The following ATG16L2 variants were observed in gnomAD, a reference collection of about 807,000 sequenced individuals.
ATG16L2 encodes the protein autophagy related 16 like 2, also known as protein Atg16l2.
Under a neutral mutation model 84.7 loss-of-function variants are expected in ATG16L2, and 77 were observed. The ratio of observed to expected loss-of-function variants is 0.91; its 90% CI spans 0.76 to 1.10. The LOEUF (loss-of-function observed/expected upper bound fraction) is 1.10. Among genes scored for constraint, ATG16L2 ranks in the 50% least tolerant of loss-of-function variants. The pLI is 0.00. For missense variants in ATG16L2, 782 were observed against 817.6 expected, an observed-to-expected ratio of 0.96 and a Z score of 0.53; for synonymous variants, 361 against 342.8, an observed-to-expected ratio of 1.05 and a Z score of -0.59.
chr11:72,815,042 T>C (rs10751215), intron 1 of ATG16L2, among the ~76,000 whole-genome samples: 76,875 of 152,138 alleles, frequency 0.51, 19,632 homozygotes, highest in East Asian at 0.63. Context: ...GCTCTGCCGC[T>C]GACAGGCGAC....
At chr11:72,816,015 G>C (rs960758687) in intron 1 of ATG16L2, 1 of 152,384 alleles carries the variant, frequency 6.6e-6, no homozygotes, top group Non-Finnish European at 1.5e-5. Flanking sequence ...TCTTTGCTCT[G>C]TTGCCCAGGC....
At chr11:72,839,627 A>C (rs901369854) in intron 5 of ATG16L2, among the ~76,000 whole-genome samples, 2 of 152,208 alleles carry the variant, frequency 1.3e-5, no homozygotes, top group African/African-American at 4.8e-5. Context: ...GAATGATGCC[A>C]GAACACCAGT....
Position 72,826,649 on chromosome 11 carries a change from C to A in ATG16L2, c.1246-54C>A. The A allele has an allele frequency of 3.1e-6, 5 of 1,614,016 alleles. No individual in the cohort carries two copies. The South Asian group carries it at 4.4e-5, about 14-fold the overall frequency. ...GAGGTCATACCTCAGGACTAGGGGG[C>A]CTGTTATGGGGTCTTGGCCAAACTC... On this transcript the variant is annotated intron_variant, in intron 12 of 17. Coordinates refer to ENST00000321297, the MANE Select transcript of ATG16L2 (RefSeq NM_033388.2).
downstream of ATG16L2, among the ~76,000 whole-genome samples, chr11:72,834,184 T>TTAGTTATA (rs1316702033): frequency 1.3e-5 from 2 of 152,170 alleles, no homozygotes; most frequent in Admixed American, 1.3e-4. Context: ...TTTCTGTAAT[T>TTAGTTATA]TAGTTATATT....
At chr11:72,827,050 C>A in intron 13 of ATG16L2, 138 bp from the exon 14 acceptor site, 1 of 845,366 alleles carries the variant, frequency 1.2e-6, no homozygotes, top group Non-Finnish European at 1.8e-6. Context: ...TGGGTGAGCC[C>A]TGTGCTGGGA....
intron 17 of ATG16L2, 84 bp from the exon 18 acceptor site, chr11:72,829,219 A>C: frequency 1.4e-6 from 2 of 1,464,542 alleles, no homozygotes; most frequent in Non-Finnish European, 1.9e-6. Flanking sequence ...GCCTCAAACT[A>C]CCCAGGTCCA....
At chr11:72,832,805 A>C, downstream of ATG16L2, among the ~76,000 whole-genome samples, 1 of 152,238 alleles carries the variant, frequency 6.6e-6, no homozygotes, top group East Asian at 1.9e-4. Context: ...CAGATTCTGC[A>C]AAGGGGCTGG....
rs1211004023 is a variant in ATG16L2, at chr11:72,828,863, C to A, written c.1671-20C>A. On this transcript the variant is annotated intron_variant, in intron 16 of 17. Coordinates refer to ENST00000321297, the MANE Select transcript of ATG16L2 (RefSeq NM_033388.2). ...TCCCCTCTGACCCCCCGTTTTCTTG[C>A]TCTGCTGTGGCCACTACAGCCCGGA... is the stretch of plus-strand genomic sequence containing the variant. The A allele has an allele frequency of 2.1e-5, 34 of 1,613,996 alleles. No homozygotes were observed. Among genetic ancestry groups the A allele is most frequent in the Non-Finnish European group, 2.9e-5 (34 of 1,179,950 alleles).
chr11:72,828,996 C>T lies in ATG16L2; in HGVS notation c.1772+12C>T, dbSNP rs747219538. 3.3e-5 allele frequency: 54 copies of T among 1,612,638 alleles called. No homozygotes were observed. The highest frequency in any genetic ancestry group is 4.6e-5 in the Non-Finnish European group (54 of 1,178,794). ...CAGGGACCCCATTGGTGAGCATGGC[C>T]TCCACCTGGCCACCTGCCTGGCCCC... is the stretch of plus-strand genomic sequence containing the variant. On this transcript the variant is annotated intron_variant, in intron 17 of 17. Transcript: ENST00000321297.
chr11:72,840,622 T>C (rs1161840360), intron 5 of ATG16L2, among the ~76,000 whole-genome samples: 1 of 152,230 alleles, frequency 6.6e-6, no homozygotes, highest in African/African-American at 2.4e-5. Context: ...TGTTCTATTC[T>C]AAATCACTTT....
Position 72,822,577 on chromosome 11 carries a change from G to T in ATG16L2, c.710+34G>T, listed in dbSNP as rs779378328. The stretch of plus-strand genomic sequence containing the variant: ...GGGGATGGGCCGGTCCGACCCTTGC[G>T]TTCTGCCTCCCGCCCCGCCTGCCTG... On this transcript the variant is annotated intron_variant, in intron 6 of 17. Transcript: ENST00000321297. The surrounding 1 kb of genome is among the most constrained non-coding windows in gnomAD (Gnocchi z 4.2). 4 of 1,603,052 alleles carry T rather than the reference G, an allele frequency of 2.5e-6. No homozygotes were observed. The East Asian group carries it at 9.0e-5, about 36-fold the overall frequency.
chr11:72,823,709 T>TC (rs1555033566), intron 7 of ATG16L2: 14 of 475,964 alleles, frequency 2.9e-5, no homozygotes, highest in African/African-American at 2.0e-4. Flanking sequence ...GAGCCTAGGC[T>TC]CCCCCCTCCT....
In ATG16L2 at chr11:72,822,120, C is replaced by G. The variant is rs1222174247; in HGVS notation, c.469C>G (p.Arg157Gly). Reference protein sequence around the residue: ...AQQAQQVEEWRAQNAVQRAAY... With the variant: ...AQQAQQVEEWGAQNAVQRAAY... ...GCAGGCCCAGCAGGTGGAGGAGTGG[C>G]GGGCGCAGAATGCGGTGCAGCGGGC... is the stretch of plus-strand genomic sequence containing the variant. The change falls in exon 5 of 18, where the codon CGG (arginine) becomes GGG (glycine). Residue 157 changes from arginine (R) to glycine (G), a missense_variant. Transcript: ENST00000321297. The surrounding 1 kb of genome is among the most constrained non-coding windows in gnomAD (Gnocchi z 4.2). 3 of 1,518,212 alleles carry G rather than the reference C, an allele frequency of 2.0e-6. No individual in the cohort carries two copies. Among genetic ancestry groups the G allele is most frequent in the Non-Finnish European group, 1.8e-6 (2 of 1,142,402 alleles). 94.0% of individuals were successfully genotyped at this position (1,518,212 alleles called of 1,614,324 possible). A position where few individuals can be genotyped will look rare whatever the true frequency, so the allele number is the denominator to read the frequency against.
At chr11:72,823,891 G>A in intron 7 of ATG16L2, 169 bp from the exon 8 acceptor site, 1 of 800,860 alleles carries the variant, frequency 1.2e-6, no homozygotes, top group South Asian at 1.3e-5. Context: ...GACCTTCCTG[G>A]GACTGATCTG....
intron 7 of ATG16L2, chr11:72,823,209 G>A: frequency 2.3e-6 from 1 of 442,320 alleles, no homozygotes; most frequent in Non-Finnish European, 4.1e-6. Context: ...GAGCTCTGGG[G>A]GTGGGGAGTC....
chr11:72,821,794 G>T lies in ATG16L2; in HGVS notation c.392+53G>T, dbSNP rs556997980. On this transcript the variant is annotated intron_variant, in intron 4 of 17. Transcript: ENST00000321297. Reference sequence around the variant, plus strand: ...CCGCGCCCACCTCAGGGAGGCCCGGGGCCAACTATACGGGAGGCGGGGGGA... The same window carrying T: ...CCGCGCCCACCTCAGGGAGGCCCGGTGCCAACTATACGGGAGGCGGGGGGA... 2.1e-3 allele frequency: 3,193 copies of T among 1,516,762 alleles called. 9 individuals carry two copies. The highest frequency in any genetic ancestry group is 5.6e-3 in the South Asian group (462 of 82,288). The allele number at this position is 1,516,762 out of a possible 1,614,324, so 94.0% of individuals were successfully genotyped here.
intron 7 of ATG16L2, chr11:72,823,205 T>G: frequency 9.0e-6 from 4 of 442,178 alleles, no homozygotes; most frequent in Non-Finnish European, 1.6e-5. Context: ...ATCAGAGCTC[T>G]GGGGGTGGGG....
At chr11:72,834,833 C>A (rs1293126503) in intron 5 of ATG16L2, among the ~76,000 whole-genome samples, 3 of 152,222 alleles carry the variant, frequency 2.0e-5, no homozygotes, top group Admixed American at 6.5e-5. Context: ...GATCCACCAG[C>A]CTTGGCCTCC....
intron 7 of ATG16L2, chr11:72,823,319 G>GCATC (rs1031806007): frequency 6.3e-6 from 2 of 319,550 alleles, no homozygotes; most frequent in African/African-American, 4.3e-5. Context: ...GCAAGCATGT[G>GCATC]CATCCGCAGG....
Sources: allele counts gnomAD v4.1 joint callset (sites outside exome capture counted in the v4.1 genomes callset), GRCh38; gene constraint gnomAD v4.1.1; non-coding constraint Gnocchi (gnomAD v3.1); transcripts MANE v1.5; gene names NCBI Gene and HGNC (gene_info 2026-07-23, HGNC 2026-07-21).